GRK2: variants seen among roughly 807,000 people sequenced by gnomAD.
GRK2 encodes the protein G protein-coupled receptor kinase 2, also known as adrenergic beta receptor kinase 1.
A neutral mutation model predicts 97.8 loss-of-function variants in GRK2; 23 were observed. That is an observed-to-expected ratio of 0.24 (90% confidence interval 0.17 to 0.33). The LOEUF is 0.33. Among genes scored for constraint, GRK2 ranks in the 10% least tolerant of loss-of-function variants. GRK2 has a pLI of 1.00. For missense variants in GRK2, 633 were observed against 956.9 expected, an observed-to-expected ratio of 0.66 and a Z score of 4.47; for synonymous variants, 425 against 381.7, an observed-to-expected ratio of 1.11 and a Z score of -1.32.
chr11:67,278,209 G>A (rs1860074454), intron 2 of GRK2, among the ~76,000 whole-genome samples: 1 of 152,206 alleles, frequency 6.6e-6, no homozygotes, highest in Non-Finnish European at 1.5e-5. Context: ...CTAAAGGCCA[G>A]GCAGTGAGGA....
rs1262974744 is a variant in GRK2 at position 67,280,797 on chromosome 11, G to A, written c.555+14G>A. The A allele has an allele frequency of 6.2e-7, 1 of 1,613,886 alleles. No homozygotes were observed. Among genetic ancestry groups the A allele is most frequent in the South Asian group, 1.1e-5 (1 of 91,086 alleles). ...CTCAACATCCACGTGAGTGGGCTTG[G>A]GTGGGGCATGGAAAGCCACGCACCC... On this transcript the variant is annotated intron_variant, in intron 7 of 20. Transcript: ENST00000308595.
rs149954659 is a variant in GRK2 at position 67,285,334 on chromosome 11, C to T, written c.1954C>T (p.Arg652Cys). The change falls in exon 21 of 21, where the codon CGC (arginine) becomes TGC (cysteine). Residue 652 changes from arginine (R) to cysteine (C), a missense_variant. Around this residue, in one of 4 missense-constraint regions of GRK2, gnomAD observed 180 missense variants for 311.3 expected, o/e 0.58. Transcript: ENST00000308595. ...GAAGAAGGAGCTGCGCGACGCCTAC[C>T]GCGAGGCCCAGCAGCTGGTGCAGCG... ...QWKKELRDAY[R>C]EAQQLVQRVP... The T allele has an allele frequency of 1.5e-5, 24 of 1,610,084 alleles. No homozygotes were observed. Among genetic ancestry groups the T allele is most frequent in the African/African-American group, 2.7e-5 (2 of 74,930 alleles).
intron 1 of GRK2, among the ~76,000 whole-genome samples, chr11:67,273,086 A>G (rs1372345153): frequency 2.0e-5 from 3 of 152,206 alleles, no homozygotes; most frequent in African/African-American, 7.2e-5. Context: ...GTGTCCACCC[A>G]GGCTTTGTAA....
At position 67,279,506 on chromosome 11, in the gene GRK2, T is replaced by C; in HGVS notation, c.353T>C (p.Leu118Pro). ...GACTCATACATCATGAAGGAGCTGCTGGCCTGCTCGCATGTGAGTGTCCTC... is the reference window on the plus strand; with the variant it reads ...GACTCATACATCATGAAGGAGCTGCCGGCCTGCTCGCATGTGAGTGTCCTC... ...IFDSYIMKELLACSHPFSKSA... is the reference protein window; with the variant it reads ...IFDSYIMKELPACSHPFSKSA... Residue 118 changes from leucine (L) to proline (P), a missense_variant, in exon 4 of 21, where the codon CTG becomes CCG. By Grantham distance (98) the Leu-to-Pro change is moderately conservative. This residue lies in a region of GRK2 where 193 missense variants were observed against 212.2 expected (regional missense o/e 0.91). Coordinates refer to ENST00000308595, the MANE Select transcript of GRK2 (RefSeq NM_001619.5). 1 of 1,613,188 alleles carries C rather than the reference T, an allele frequency of 6.2e-7. No homozygotes were observed. The highest frequency in any genetic ancestry group is 8.5e-7 in the Non-Finnish European group (1 of 1,179,998).
Position 67,276,647 on chromosome 11 carries a change from C to T in GRK2, c.114-625C>T, listed in dbSNP as rs1860033400. Reference sequence around the variant, plus strand: ...AATGTAGTGTTTTTTAGTACATTGACCGTGTTGTGCAACCCTTACCCCAAA... The same window carrying T: ...AATGTAGTGTTTTTTAGTACATTGATCGTGTTGTGCAACCCTTACCCCAAA... On this transcript the variant is annotated intron_variant, in intron 1 of 20. Coordinates refer to ENST00000308595, the MANE Select transcript of GRK2 (RefSeq NM_001619.5). This position sits in a 1 kb window ranked among gnomAD's most constrained non-coding sequence, Gnocchi z 4.2. The T allele has an allele frequency of 6.6e-6, 1 of 152,156 alleles. No individual in the cohort carries two copies. Among genetic ancestry groups the T allele is most frequent in the Admixed American group, 6.5e-5 (1 of 15,272 alleles). The allele number at this position is 152,156 out of a possible 1,614,324, so 9.4% of individuals were successfully genotyped here. A position where few individuals can be genotyped will look rare whatever the true frequency, so the allele number is the denominator to read the frequency against.
At position 67,281,280 on chromosome 11, in the gene GRK2, C is replaced by T. The variant is rs969596331; in HGVS notation, c.647+96C>T. The T allele has an allele frequency of 1.7e-6, 2 of 1,182,936 alleles. No individual in the cohort carries two copies. The highest frequency in any genetic ancestry group is 1.5e-5 in the African/African-American group (1 of 66,014). 73.3% of individuals were successfully genotyped at this position (1,182,936 alleles called of 1,614,324 possible). ...TTCCACACAGGGCCACCTGCTGCTC[C>T]ATGCACTCCTGTCTTGCCGTGCTGT... On this transcript the variant is annotated intron_variant, in intron 8 of 20. Coordinates refer to ENST00000308595, the MANE Select transcript of GRK2 (RefSeq NM_001619.5). The surrounding 1 kb of genome is among the most constrained non-coding windows in gnomAD (Gnocchi z 5.7).
chr11:67,268,669 C>T (rs1249224397), intron 1 of GRK2, among the ~76,000 whole-genome samples: 1 of 152,212 alleles, frequency 6.6e-6, no homozygotes, highest in Non-Finnish European at 1.5e-5. Flanking sequence ...CTTGGCTCTG[C>T]AGGTGTCAGA....
intron 1 of GRK2, among the ~76,000 whole-genome samples, chr11:67,270,399 C>A (rs995142100): frequency 9.2e-5 from 14 of 152,112 alleles, no homozygotes; most frequent in Admixed American, 9.2e-4. Flanking sequence ...CCTCCCCCAC[C>A]GAGAGTTTCC....
Position 67,284,863 on chromosome 11 carries a change from G to A in GRK2, c.1671G>A (p.Lys557=). 1 of 1,613,078 alleles carries A rather than the reference G, an allele frequency of 6.2e-7. No individual in the cohort carries two copies. Among genetic ancestry groups the A allele is most frequent in the Non-Finnish European group, 8.5e-7 (1 of 1,179,986 alleles). Residue 557 remains lysine, a synonymous_variant, in exon 19 of 21, where the codon AAG becomes AAA. Coordinates refer to ENST00000308595, the MANE Select transcript of GRK2 (RefSeq NM_001619.5). ...TCGCCTCAGACTACGCCCTGGGCAA[G>A]GACTGCATCATGCATGGCTACATGT... is the stretch of plus-strand genomic sequence containing the variant. ...LGHEEDYALG[K]DCIMHGYMSK...
intron 1 of GRK2, among the ~76,000 whole-genome samples, chr11:67,268,936 A>G (rs1859851845): frequency 6.6e-6 from 1 of 152,224 alleles, no homozygotes; most frequent in Non-Finnish European, 1.5e-5. Flanking sequence ...TTCTAGGAGG[A>G]CAGCAGGAGG....
chr11:67,282,193 C>T lies in GRK2; in HGVS notation c.958-78C>T. The T allele has an allele frequency of 2.1e-6, 3 of 1,420,694 alleles. No individual in the cohort carries two copies. Among genetic ancestry groups the T allele is most frequent in the Middle Eastern group, 3.7e-4 (2 of 5,340 alleles). The allele number at this position is 1,420,694 out of a possible 1,614,324, so 88.0% of individuals were successfully genotyped here. On this transcript the variant is annotated intron_variant, in intron 11 of 20. Transcript: ENST00000308595. The surrounding 1 kb of genome is among the most constrained non-coding windows in gnomAD (Gnocchi z 6.9). The stretch of plus-strand genomic sequence containing the variant: ...GTACCCATCGTCCTCTCCAGTGAAG[C>T]AGTGACCCAGCTGGCATCTTGCCTG...
chr11:67,283,544 A>G (rs1860200300), intron 15 of GRK2, 163 bp from the exon 16 acceptor site: 4 of 724,064 alleles, frequency 5.5e-6, no homozygotes, highest in East Asian at 2.6e-5. Flanking sequence ...AAAACCCACA[A>G]CCCTACGATG....
chr11:67,278,970 A>ACAGATTT (rs1033402336), intron 2 of GRK2, among the ~76,000 whole-genome samples: 3 of 152,156 alleles, frequency 2.0e-5, no homozygotes, highest in African/African-American at 7.2e-5. Flanking sequence ...ACCTGGGGAA[A>ACAGATTT]CAGATTTCAG....
At chr11:67,279,030 C>A (rs12274774) in intron 2 of GRK2, among the ~76,000 whole-genome samples, 170 bp from the exon 3 acceptor site, 18,313 of 152,264 alleles carry the variant, frequency 0.12, 3,082 homozygotes, top group African/African-American at 0.38. Context: ...GGAATCTTCA[C>A]GTTGGCAGCA....
rs754100425 is a variant in GRK2 at position 67,281,462 on chromosome 11, C to T, written c.651C>T (p.Tyr217=). The change falls in exon 9 of 21, where the codon TAC becomes TAT. Residue 217 remains tyrosine, a synonymous_variant. Coordinates refer to ENST00000308595, the MANE Select transcript of GRK2 (RefSeq NM_001619.5). This position sits in a 1 kb window ranked among gnomAD's most constrained non-coding sequence, Gnocchi z 5.7. ...GCRKADTGKM[Y]AMKCLDKKRI... ...ACTGCCGACCTCTGCCCCGTAGGTACGCCATGAAGTGCCTGGACAAAAAGC... is the reference window on the plus strand; with the variant it reads ...ACTGCCGACCTCTGCCCCGTAGGTATGCCATGAAGTGCCTGGACAAAAAGC... 1.6e-5 allele frequency: 26 copies of T among 1,613,260 alleles called. No homozygotes were observed. The highest frequency in any genetic ancestry group is 3.3e-5 in the Admixed American group (2 of 59,994).
At position 67,285,091 on chromosome 11, in the gene GRK2, T is replaced by C. The variant is rs772349105; in HGVS notation, c.1808T>C (p.Met603Thr). The change falls in exon 20 of 21, where the codon ATG (methionine) becomes ACG (threonine). Residue 603 changes from methionine to threonine, a missense_variant. This residue lies in a region of GRK2 where 180 missense variants were observed against 311.3 expected (regional missense o/e 0.58). Coordinates refer to ENST00000308595, the MANE Select transcript of GRK2 (RefSeq NM_001619.5). ...GCCCTGCAGCAGAGCCTGCTGACCA[T>C]GGAGGAGATCCAGTCGGTGGAGGAG... The part of the protein sequence containing the change: ...EGEAPQSLLT[M>T]EEIQSVEETQ... The C allele has an allele frequency of 1.9e-6, 3 of 1,613,160 alleles. No individual in the cohort carries two copies. Among genetic ancestry groups the C allele is most frequent in the African/African-American group, 1.3e-5 (1 of 74,912 alleles).
intron 17 of GRK2, 65 bp downstream of exon 17, chr11:67,284,014 C>T (rs755239234): frequency 7.4e-6 from 11 of 1,477,044 alleles, no homozygotes; most frequent in South Asian, 1.2e-5. Context: ...GGATCCCTCT[C>T]CCTTCTTATC....
chr11:67,270,753 C>T (rs528334462), intron 1 of GRK2, among the ~76,000 whole-genome samples: 41 of 152,306 alleles, frequency 2.7e-4, no homozygotes, highest in African/African-American at 7.5e-4. Context: ...ATGTCTTTCC[C>T]GTCTGTTTTC....
At position 67,286,377 on chromosome 11, in the gene GRK2, T is replaced by C; in HGVS notation, c.*927T>C. 1 of 698,954 alleles carries C rather than the reference T, an allele frequency of 1.4e-6. No individual in the cohort carries two copies. Among genetic ancestry groups the C allele is most frequent in the Non-Finnish European group, 2.6e-6 (1 of 383,514 alleles). The allele number at this position is 698,954 out of a possible 1,614,324, so 43.3% of individuals were successfully genotyped here. A position where few individuals can be genotyped will look rare whatever the true frequency, so the allele number is the denominator to read the frequency against. On this transcript the variant is annotated 3_prime_UTR_variant, in exon 21 of 21. Coordinates refer to ENST00000308595, the MANE Select transcript of GRK2 (RefSeq NM_001619.5). Reference sequence around the variant, plus strand: ...CAGTGCCGCCGCCTCGCCCACCGCATGCCCCCTCGTGCCAGTCGCGCTGCC... The same window carrying C: ...CAGTGCCGCCGCCTCGCCCACCGCACGCCCCCTCGTGCCAGTCGCGCTGCC...
Sources: allele counts gnomAD v4.1 joint callset (sites outside exome capture counted in the v4.1 genomes callset), GRCh38; gene constraint gnomAD v4.1.1; regional missense constraint gnomAD v4.1.1; non-coding constraint Gnocchi (gnomAD v3.1); transcripts MANE v1.5; gene names NCBI Gene and HGNC (gene_info 2026-07-23, HGNC 2026-07-21).